The following TEX36 variants were observed in gnomAD, a reference collection of about 807,000 sequenced individuals.
TEX36 encodes the protein testis expressed 36, also known as testis-expressed protein 36.
Under a neutral mutation model 13.6 loss-of-function variants are expected in TEX36, and 12 were observed. The ratio of observed to expected loss-of-function variants is 0.88; its 90% confidence interval spans 0.56 to 1.43. The LOEUF (loss-of-function observed/expected upper bound fraction) is 1.43, where lower values mean the gene tolerates loss of function less well. Ranked by LOEUF, TEX36 falls within the 40% of genes most tolerant of loss-of-function variation. The pLI is 0.00. For synonymous variants in TEX36, 93 were observed against 83.0 expected (o/e 1.12, Z -0.65); for missense variants, 224 against 228.3 (o/e 0.98, Z 0.12).
At chr10:125,605,607 T>C (rs1846206712) in intron 3 of TEX36, among the ~76,000 whole-genome samples, 1 of 152,084 alleles carries the variant, frequency 6.6e-6, no homozygotes, top group Non-Finnish European at 1.5e-5. Flanking sequence ...TATTTATTTA[T>C]TTATTTATTT....
At chr10:125,600,770 A>C (rs1293775887) in intron 3 of TEX36, among the ~76,000 whole-genome samples, 1 of 152,202 alleles carries the variant, frequency 6.6e-6, no homozygotes, top group Non-Finnish European at 1.5e-5. Context: ...ACCCCCACGG[A>C]ATGACCTGAA....
Position 125,577,112 on chromosome 10 carries a change from C to T in TEX36, c.265-238G>A, listed in dbSNP as rs148601199. On this transcript the variant is annotated intron_variant, in intron 3 of 3. Transcript: ENST00000532135. ...TCTCTCTGACTGGAAGGATGGGGTACAATGAGGGGCAGCCCTCAGCAGAAG... is the reference window on the plus strand; with the variant it reads ...TCTCTCTGACTGGAAGGATGGGGTATAATGAGGGGCAGCCCTCAGCAGAAG... 7.2e-5 allele frequency among the ~76,000 whole-genome samples: 11 copies of T among 152,228 alleles called. No homozygotes were observed. The East Asian group carries it at 1.5e-3, about 21-fold the overall frequency.
downstream of TEX36, chr10:125,655,615 T>C (rs115634246): frequency 8.0e-4 from 858 of 1,067,100 alleles, 5 homozygotes; most frequent in African/African-American, 0.013. Context: ...AGGACTTTTG[T>C]TTCCTCTGTA....
chr10:125,591,457 G>C (rs1846020192), intron 3 of TEX36, among the ~76,000 whole-genome samples: 1 of 152,148 alleles, frequency 6.6e-6, no homozygotes, highest in Non-Finnish European at 1.5e-5. Context: ...TTGTCTTGAA[G>C]ATCTTCCCGC....
downstream of TEX36, among the ~76,000 whole-genome samples, chr10:125,618,942 T>TAAAAAAAAAAAAAAAAAAAAAAAAA (rs11452140): frequency 2.3e-5 from 1 of 43,586 alleles, no homozygotes; most frequent in African/African-American, 9.9e-5. Flanking sequence ...CCGTCTCTAC[T>TAAAAAAAAAAAAAAAAAAAAAAAAA]AAAAAAAAAA....
chr10:125,655,676 T>C (rs2133589597), downstream of TEX36: 2 of 1,232,200 alleles, frequency 1.6e-6, no homozygotes, highest in Non-Finnish European at 1.0e-6. Context: ...GGATGTACTT[T>C]TTAAAACTCC....
rs554532539 is a variant in TEX36, at chr10:125,666,410, G to A, written c.52-4433C>T. ...TTGTTGAGAGTGTTTATCATAAAGC[G>A]ATGTTGAATTTTATCAAATGCTTTT... On this transcript the variant is annotated intron_variant, in intron 1 of 3. Transcript: ENST00000368821. Among the ~76,000 whole-genome samples, 8 of 152,248 alleles carry A rather than the reference G, an allele frequency of 5.3e-5. No individual in the cohort carries two copies. In the South Asian group the frequency reaches 6.2e-4, roughly 12 times the overall value.
intron 3 of TEX36, among the ~76,000 whole-genome samples, chr10:125,648,851 AT>A (rs1159964336): frequency 2.0e-5 from 3 of 152,240 alleles, no homozygotes; most frequent in Admixed American, 2.0e-4. Flanking sequence ...CGGGAACTAC[AT>A]GACGCATGCA....
chr10:125,643,415 C>G (rs1235304331), intron 3 of TEX36, among the ~76,000 whole-genome samples: 1 of 152,092 alleles, frequency 6.6e-6, no homozygotes, highest in Non-Finnish European at 1.5e-5. Flanking sequence ...TGAGACCAGC[C>G]TGGCGAACAT....
intron 3 of TEX36, among the ~76,000 whole-genome samples, chr10:125,597,642 C>A (rs1045067515): frequency 1.4e-4 from 22 of 152,204 alleles, no homozygotes; most frequent in African/African-American, 4.6e-4. Flanking sequence ...GTCAAGGAAG[C>A]AAGGCTTTCC....
intron 3 of TEX36, among the ~76,000 whole-genome samples, chr10:125,582,876 CTAGA>C (rs1458541005): frequency 6.6e-6 from 1 of 152,102 alleles, no homozygotes; most frequent in Non-Finnish European, 1.5e-5. Context: ...CAATTTTTCA[CTAGA>C]TAATTAAGCC....
intron 3 of TEX36, among the ~76,000 whole-genome samples, chr10:125,582,010 G>C (rs954801442): frequency 7.9e-5 from 12 of 152,216 alleles, no homozygotes; most frequent in Non-Finnish European, 1.5e-4. Context: ...ATGGTCTTAG[G>C]GGGTAAGCAG....
At chr10:125,640,874 C>T (rs1846679549) in intron 3 of TEX36, among the ~76,000 whole-genome samples, 1 of 152,028 alleles carries the variant, frequency 6.6e-6, no homozygotes. Flanking sequence ...AGGGTGTTAC[C>T]ATAACAGCAT....
intron 1 of TEX36, among the ~76,000 whole-genome samples, chr10:125,665,722 TTTTTTC>T (rs1847110670): frequency 6.6e-6 from 1 of 152,060 alleles, no homozygotes; most frequent in African/African-American, 2.4e-5. Context: ...TTTAAGATTG[TTTTTTC>T]TAATTCTGTG....
In TEX36 at chr10:125,649,620, T is replaced by C. The variant is rs189806941; in HGVS notation, c.264+11401A>G. 2.4e-4 allele frequency among the ~76,000 whole-genome samples: 37 copies of C among 152,284 alleles called. No homozygotes were observed. In the East Asian group the frequency reaches 6.8e-3, roughly 28 times the overall value. ...AATGAGCAAACATCAAACATCATAA[T>C]GACAGGATCAGATTCACACATAACA... On this transcript the variant is annotated intron_variant, in intron 3 of 3. Transcript: ENST00000526819.
chr10:125,661,796 C>A, intron 2 of TEX36, 50 bp downstream of exon 2: 1 of 1,547,188 alleles, frequency 6.5e-7, no homozygotes, highest in African/African-American at 1.4e-5. Context: ...GGCGCTGCCC[C>A]CTGGGAGGTC....
rs1489182135 is a variant in TEX36 at position 125,661,871 on chromosome 10, G to A, written c.158C>T (p.Pro53Leu). 6 of 1,551,836 alleles carry A rather than the reference G, an allele frequency of 3.9e-6. No individual in the cohort carries two copies. Among genetic ancestry groups the A allele is most frequent in the East Asian group, 2.4e-5 (1 of 40,926 alleles). ...CTTCTCCCGGACTTTGTATATGGGC[G>A]GCAGCTTCCCCTCCGCTTGCCGAGG... Reference protein sequence around the residue: ...HLPRQAEGKLPPIYKVREKQA... With the variant: ...HLPRQAEGKLLPIYKVREKQA... Residue 53 changes from proline (P) to leucine (L), a missense_variant, in exon 2 of 4, where the codon CCG becomes CTG. By Grantham distance (98) the Pro-to-Leu change is moderately conservative (BLOSUM62 -3). Coordinates refer to ENST00000368821, the MANE Select transcript of TEX36 (RefSeq NM_001128202.3).
intron 1 of TEX36, among the ~76,000 whole-genome samples, chr10:125,674,064 A>G (rs934679327): frequency 5.9e-5 from 9 of 152,162 alleles, no homozygotes; most frequent in Non-Finnish European, 1.2e-4. Context: ...CCAATCAGTC[A>G]TAGGTTTGGT....
At chr10:125,654,562 T>A (rs1283202838), downstream of TEX36, among the ~76,000 whole-genome samples, 6 of 152,220 alleles carry the variant, frequency 3.9e-5, no homozygotes, top group East Asian at 1.2e-3. Flanking sequence ...CTTTACAAGC[T>A]TATTCTAAAA....
Sources: gnomAD v4.1 joint callset for allele counts (sites outside exome capture counted in the v4.1 genomes callset) on GRCh38, gnomAD v4.1.1 for gene constraint, MANE v1.5 for transcripts, NCBI Gene and HGNC (gene_info 2026-07-23, HGNC 2026-07-21) for gene names.